TOP1MT: variants seen among roughly 807,000 people sequenced by gnomAD.
The protein encoded by TOP1MT is DNA topoisomerase I mitochondrial.
Under a neutral mutation model 73.9 loss-of-function variants are expected in TOP1MT, and 80 were observed. The observed-to-expected ratio is 1.08, with a 90% CI of 0.90 to 1.30. TOP1MT has a LOEUF of 1.30. TOP1MT is among the 50% of genes most tolerant of loss of function. TOP1MT has a pLI of 0.00. For missense variants in TOP1MT, 815 were observed against 808.0 expected, an observed-to-expected ratio of 1.01 and a Z score of -0.10; for synonymous variants, 338 against 326.4, an observed-to-expected ratio of 1.04 and a Z score of -0.38.
chr8:143,321,744 ACG>A (rs1231868191), intron 7 of TOP1MT, among the ~76,000 whole-genome samples: 1 of 126,392 alleles, frequency 7.9e-6, no homozygotes. Context: ...TACGCCACAC[ACG>A]CACGCCACAA....
chr8:143,313,549 CCA>C (rs1816069052), intron 12 of TOP1MT, among the ~76,000 whole-genome samples: 1 of 52,912 alleles, frequency 1.9e-5, no homozygotes, highest in African/African-American at 4.5e-5. Flanking sequence ...GACTCCATCA[CCA>C]AAAAAAAAAA....
rs550160011 is a variant in TOP1MT, at chr8:143,331,290, G to T, written c.172C>A (p.His58Asn). 1 of 1,613,016 alleles carries T rather than the reference G, an allele frequency of 6.2e-7. No individual in the cohort carries two copies. The highest frequency in any genetic ancestry group is 1.1e-5 in the South Asian group (1 of 90,992). Reference protein sequence around the residue: ...EDGVKWRQLEHKGPYFAPPYE... With the variant: ...EDGVKWRQLENKGPYFAPPYE... ...GGGGGTGCGAAGTACGGGCCCTTGT[G>T]CTCCAGCTGTCTCCACTTCACCCCG... is the stretch of plus-strand genomic sequence containing the variant. The change falls in exon 2 of 14, where the codon CAC becomes AAC. Residue 58 changes from histidine (H) to asparagine (N), a missense_variant. His to Asn is a moderately conservative substitution (Grantham distance 68). Transcript: ENST00000329245.
intron 8 of TOP1MT, among the ~76,000 whole-genome samples, chr8:143,318,897 C>T (rs895975570): frequency 2.0e-5 from 3 of 152,232 alleles, no homozygotes; most frequent in East Asian, 3.8e-4. Context: ...GGTTTCACAC[C>T]GCTGATCTTG....
chr8:143,325,174 G>A (rs1345112308), intron 5 of TOP1MT, among the ~76,000 whole-genome samples, 172 bp downstream of exon 5: 2 of 152,176 alleles, frequency 1.3e-5, no homozygotes, highest in African/African-American at 2.4e-5. Context: ...AGCACCCTGG[G>A]AAGGCCGCCC....
chr8:143,324,681 T>C, intron 5 of TOP1MT, 52 bp from the exon 6 acceptor site: 1 of 1,590,688 alleles, frequency 6.3e-7, no homozygotes, highest in Non-Finnish European at 8.6e-7. Flanking sequence ...TTCTCTGGAA[T>C]GCAAGCAAAA....
intron 3 of TOP1MT, chr8:143,327,742 A>C (rs780261676): frequency 2.4e-6 from 1 of 425,380 alleles, no homozygotes; most frequent in South Asian, 1.7e-5. Flanking sequence ...GCTGTCGTGA[A>C]AGGCAGAGGG....
chr8:143,356,927 A>C (rs1273711568), upstream of TOP1MT, among the ~76,000 whole-genome samples: 1 of 151,426 alleles, frequency 6.6e-6, no homozygotes, highest in Non-Finnish European at 1.5e-5. Context: ...CTCCATCTCT[A>C]CTAAAAAATA....
chr8:143,329,579 AG>A, intron 2 of TOP1MT, 108 bp from the exon 3 acceptor site: 2 of 1,346,830 alleles, frequency 1.5e-6, no homozygotes, highest in Non-Finnish European at 2.0e-6. Flanking sequence ...CTATGCCAAG[AG>A]CAAGAAGCTA....
At chr8:143,347,288 G>A (rs899736046), upstream of TOP1MT, among the ~76,000 whole-genome samples, 23 of 152,190 alleles carry the variant, frequency 1.5e-4, no homozygotes, top group Non-Finnish European at 3.2e-4. Flanking sequence ...CCAAGTAGCT[G>A]GGACTACAGG....
intron 7 of TOP1MT, 142 bp downstream of exon 7, chr8:143,323,857 G>A: frequency 1.1e-6 from 1 of 884,116 alleles, no homozygotes. Context: ...CCACACACGT[G>A]TGCACATGCA....
intron 12 of TOP1MT, among the ~76,000 whole-genome samples, chr8:143,311,117 A>ATTTTTTTTTTTTTTTT (rs769172231): frequency 9.4e-6 from 1 of 106,838 alleles, no homozygotes; most frequent in Non-Finnish European, 1.8e-5. Context: ...CACGCACATG[A>ATTTTTTTTTTTTTTTT]TTTTTTTTTT....
At chr8:143,317,633 G>T in intron 10 of TOP1MT, 90 bp downstream of exon 10, 1 of 1,166,846 alleles carries the variant, frequency 8.6e-7, no homozygotes, top group Non-Finnish European at 1.2e-6. Context: ...CCCACCCCGA[G>T]GCTCACTCAA....
At chr8:143,358,747 A>ATCACC (rs1817453944), upstream of TOP1MT, 10 of 152,182 alleles carry the variant, frequency 6.6e-5, no homozygotes, top group Non-Finnish European at 1.3e-4. Flanking sequence ...GGACCCAGGC[A>ATCACC]GCAGGGACAC....
At chr8:143,312,655 C>A (rs184890587) in intron 12 of TOP1MT, among the ~76,000 whole-genome samples, 3 of 152,284 alleles carry the variant, frequency 2.0e-5, no homozygotes, top group African/African-American at 7.2e-5. Context: ...GTATCAGGAA[C>A]AAGGCAAGGC....
At chr8:143,312,353 C>T (rs1816035939) in intron 12 of TOP1MT, among the ~76,000 whole-genome samples, 1 of 152,064 alleles carries the variant, frequency 6.6e-6, no homozygotes, top group Non-Finnish European at 1.5e-5. Context: ...CAGCAATAGA[C>T]AAAAATGATT....
chr8:143,325,365 C>T lies in TOP1MT; in HGVS notation c.652G>A (p.Val218Met). 1 of 1,595,684 alleles carries T rather than the reference C, an allele frequency of 6.3e-7. No individual in the cohort carries two copies. The highest frequency in any genetic ancestry group is 1.1e-5 in the South Asian group (1 of 90,742). ...ACGCACCTGCTGCAGTTGATAACCA[C>T]ATCCTCTGGCGTGATCCTTCTCTTC... ...MLKRRITPED[V>M]VINCSRDSKI... Residue 218 changes from valine to methionine, a missense_variant, in exon 5 of 14, where the codon GTG becomes ATG. Transcript: ENST00000329245.
Position 143,317,998 on chromosome 8 carries a change from G to A in TOP1MT, c.1215+20C>T. ...GGGTCCTGCCGCCGCCCACTGCTGA[G>A]GAAACACGAGCCGGCTTACGGTCAG... On this transcript the variant is annotated intron_variant, in intron 9 of 13. Transcript: ENST00000329245. 6.2e-7 allele frequency: 1 copy of A among 1,614,062 alleles called. No individual in the cohort carries two copies. Among genetic ancestry groups the A allele is most frequent in the Non-Finnish European group, 8.5e-7 (1 of 1,179,932 alleles).
At chr8:143,359,461 C>T, upstream of TOP1MT, 1 of 984,500 alleles carries the variant, frequency 1.0e-6, no homozygotes, top group South Asian at 4.7e-5. Flanking sequence ...AGACCCTTTT[C>T]CTAGGCAGCC....
intron 1 of TOP1MT, among the ~76,000 whole-genome samples, chr8:143,332,022 G>A (rs1366310584): frequency 1.3e-5 from 2 of 151,942 alleles, no homozygotes; most frequent in Admixed American, 1.3e-4. Flanking sequence ...CCCCTCCCCA[G>A]GGCGCCCCCT....
Sources: gnomAD v4.1 joint callset for allele counts (sites outside exome capture counted in the v4.1 genomes callset) on GRCh38, gnomAD v4.1.1 for gene constraint, MANE v1.5 for transcripts, NCBI Gene and HGNC (gene_info 2026-07-23, HGNC 2026-07-21) for gene names.